Variants in PCDHA6 observed in about 807,000 individuals in gnomAD.
PCDHA6 encodes the protein protocadherin alpha-6.
Under a neutral mutation model 60.3 loss-of-function variants are expected in PCDHA6, and 55 were observed. That is an observed-to-expected ratio of 0.91 (90% CI 0.73 to 1.14). The LOEUF is 1.14. Among genes scored for constraint, PCDHA6 ranks in the 50% most tolerant of loss-of-function variants. The probability of loss-of-function intolerance (pLI) is 0.00; values close to 1 mark genes in which losing one functional copy is unlikely to be tolerated. For synonymous variants in PCDHA6, 652 were observed against 557.9 expected (o/e 1.17, Z -2.38); for missense variants, 1,327 against 1,256.5 (o/e 1.06, Z -0.85).
At chr5:140,894,446 T>TA (rs2064476840) in intron 1 of PCDHA6, among the ~76,000 whole-genome samples, 2 of 152,118 alleles carry the variant, frequency 1.3e-5, no homozygotes, top group East Asian at 3.9e-4. Flanking sequence ...AGCTCTTTTT[T>TA]AAAAAATATT....
Position 140,923,348 on chromosome 5 carries a change from G to A in PCDHA6, c.2395-55601G>A, listed in dbSNP as rs376610944. Among the ~76,000 whole-genome samples the A allele has an allele frequency of 2.6e-3, 395 of 152,192 alleles. 2 individuals are homozygous for A. Among genetic ancestry groups the A allele is most frequent in the African/African-American group, 9.2e-3 (384 of 41,538 alleles). ...CAAGGACAGTTTGGGCAACATAGTG[G>A]GACCCTATCTTTATAAAATATTTTT... is the stretch of plus-strand genomic sequence containing the variant. On this transcript the variant is annotated intron_variant, in intron 1 of 3. Coordinates refer to ENST00000529310, the MANE Select transcript of PCDHA6 (RefSeq NM_018909.4).
intron 1 of PCDHA6, among the ~76,000 whole-genome samples, chr5:140,946,879 G>A (rs246051): frequency 0.56 from 84,931 of 150,730 alleles, 24,535 homozygotes; most frequent in African/African-American, 0.69. Flanking sequence ...CAATGGGTAC[G>A]AAGTTACAAT....
At chr5:140,856,761 C>G (rs377564040) in intron 1 of PCDHA6, 2 of 1,596,598 alleles carry the variant, frequency 1.3e-6, no homozygotes, top group South Asian at 2.2e-5. Context: ...AATGATAACG[C>G]CCCTATCTTT....
chr5:140,979,592 T>C (rs1554240865), intron 2 of PCDHA6, among the ~76,000 whole-genome samples: 1 of 152,248 alleles, frequency 6.6e-6, no homozygotes, highest in African/African-American at 2.4e-5. Flanking sequence ...CTAGCTTACT[T>C]TAAATTAACC....
In PCDHA6 at chr5:140,849,729, G is replaced by A. The variant is rs1180272167; in HGVS notation, c.2394+19244G>A. On this transcript the variant is annotated intron_variant, in intron 1 of 3. Transcript: ENST00000529310. ...TTACTACTCGTTGGTGCTGGACAGA[G>A]CTCTGGACCGCGAGAGTGTGTCCGC... 5.6e-6 allele frequency: 9 copies of A among 1,598,378 alleles called. 1 individual carries two copies. Among genetic ancestry groups the A allele is most frequent in the Non-Finnish European group, 7.7e-6 (9 of 1,168,014 alleles).
chr5:140,847,059 G>A (rs1780837481), intron 1 of PCDHA6, among the ~76,000 whole-genome samples: 1 of 149,712 alleles, frequency 6.7e-6, no homozygotes, highest in East Asian at 1.9e-4. Context: ...GACACAGAAA[G>A]CATCAATATG....
At chr5:141,000,857 A>G (rs1002294819) in intron 3 of PCDHA6, among the ~76,000 whole-genome samples, 7 of 152,132 alleles carry the variant, frequency 4.6e-5, no homozygotes, top group African/African-American at 1.7e-4. Context: ...GCAGTCAGCC[A>G]TGACCTCACC....
At chr5:140,887,612 G>A (rs2061514716) in intron 1 of PCDHA6, among the ~76,000 whole-genome samples, 1 of 151,760 alleles carries the variant, frequency 6.6e-6, no homozygotes, top group East Asian at 1.9e-4. Flanking sequence ...GCTTTAGTAT[G>A]GTTTTCTTTA....
intron 1 of PCDHA6, among the ~76,000 whole-genome samples, chr5:140,971,546 A>G (rs1236125448): frequency 6.6e-6 from 1 of 152,146 alleles, no homozygotes; most frequent in African/African-American, 2.4e-5. Context: ...TGCCAGATCA[A>G]CCTGTTAAAT....
chr5:140,892,413 T>C (rs1554185182), intron 1 of PCDHA6, among the ~76,000 whole-genome samples: 1 of 152,222 alleles, frequency 6.6e-6, no homozygotes, highest in Non-Finnish European at 1.5e-5. Context: ...CTTCAGGTAT[T>C]CTAGATAAAA....
rs1554165105 is a variant in PCDHA6 at position 140,871,093 on chromosome 5, G to A, written c.2394+40608G>A. 3 of 1,613,300 alleles carry A rather than the reference G, an allele frequency of 1.9e-6. No individual in the cohort carries two copies. Among genetic ancestry groups the A allele is most frequent in the East Asian group, 4.5e-5 (2 of 44,870 alleles). ...GCCGGCGCTGACGGCCACGGCCACC[G>A]TGCTGGTGTCGTTGGTGGAGAGCGG... On this transcript the variant is annotated intron_variant, in intron 1 of 3. Transcript: ENST00000529310.
intron 3 of PCDHA6, among the ~76,000 whole-genome samples, chr5:141,005,656 C>T (rs1004583867): frequency 1.5e-4 from 20 of 136,082 alleles, no homozygotes; most frequent in Non-Finnish European, 2.5e-4. Context: ...GAGTCGAGAT[C>T]GCGCCACTGC....
At chr5:140,967,845 A>T in intron 1 of PCDHA6, 1 of 1,614,160 alleles carries the variant, frequency 6.2e-7, no homozygotes, top group Non-Finnish European at 8.5e-7. Context: ...GACGTGAATG[A>T]CAATGCCCCA....
intron 3 of PCDHA6, among the ~76,000 whole-genome samples, chr5:141,001,247 A>G (rs547699044): frequency 1.3e-5 from 2 of 152,256 alleles, no homozygotes; most frequent in African/African-American, 2.4e-5. Flanking sequence ...AATCAACCCT[A>G]TGGGGCGGGC....
In PCDHA6 at chr5:140,853,126, G is replaced by A. The variant is rs182768558; in HGVS notation, c.2394+22641G>A. 8.6e-5 allele frequency: 48 copies of A among 560,326 alleles called. 1 individual carries two copies. In the East Asian group the frequency reaches 5.9e-3, roughly 68 times the overall value. The allele number at this position is 560,326 out of a possible 1,614,324, so 34.7% of individuals were successfully genotyped here. On this transcript the variant is annotated intron_variant, in intron 1 of 3. Coordinates refer to ENST00000529310, the MANE Select transcript of PCDHA6 (RefSeq NM_018909.4). ...GATCTCCTGACCTCATGATCCTCCC[G>A]CCTCAGCCTCCCAAAATGCTGGGAT...
intron 1 of PCDHA6, among the ~76,000 whole-genome samples, chr5:140,939,281 G>A (rs1554212652): frequency 6.6e-6 from 1 of 152,014 alleles, no homozygotes; most frequent in African/African-American, 2.4e-5. Context: ...CTGTGCCCTC[G>A]TGATCTAATC....
chr5:140,914,769 T>C (rs2076832006), intron 1 of PCDHA6, among the ~76,000 whole-genome samples: 1 of 152,160 alleles, frequency 6.6e-6, no homozygotes, highest in South Asian at 2.1e-4. Flanking sequence ...ATGAGGTTTA[T>C]GACTTATCTT....
intron 1 of PCDHA6, chr5:140,855,837 C>A (rs2043640312): frequency 3.3e-6 from 2 of 610,842 alleles, no homozygotes; most frequent in Non-Finnish European, 5.6e-6. Flanking sequence ...ATCGTACTTA[C>A]ACCTAAAGCC....
chr5:140,982,649 G>T, intron 3 of PCDHA6, 86 bp downstream of exon 3: 2 of 1,504,320 alleles, frequency 1.3e-6, no homozygotes, highest in South Asian at 1.3e-5. Context: ...AATGTTGATG[G>T]CTCTTTTTCT....
Sources: allele counts gnomAD v4.1 joint callset (sites outside exome capture counted in the v4.1 genomes callset), GRCh38; gene constraint gnomAD v4.1.1; transcripts MANE v1.5; gene names NCBI Gene and HGNC (gene_info 2026-07-23, HGNC 2026-07-21).